The following MCFD2 variants were observed in gnomAD, a reference collection of about 807,000 sequenced individuals.
MCFD2 encodes multiple coagulation factor deficiency protein 2.
Under a neutral mutation model 12.8 loss-of-function variants are expected in MCFD2, and 11 were observed. The ratio of observed to expected loss-of-function variants is 0.86; its 90% CI spans 0.54 to 1.42. The LOEUF is 1.42. Among genes scored for constraint, MCFD2 ranks in the 40% most tolerant of loss-of-function variants. MCFD2 has a pLI of 0.00. For missense variants in MCFD2, 191 were observed against 178.6 expected (o/e 1.07, Z -0.40); for synonymous variants, 70 against 68.1 (o/e 1.03, Z -0.14).
At position 46,937,169 on chromosome 2, in the gene MCFD2, C is replaced by G. The variant is rs1670020993; in HGVS notation, c.-8+4403G>C. Among the ~76,000 whole-genome samples the G allele has an allele frequency of 6.6e-6, 1 of 151,982 alleles. No homozygotes were observed. The highest frequency in any genetic ancestry group is 1.5e-5 in the Non-Finnish European group (1 of 67,948). The stretch of plus-strand genomic sequence containing the variant: ...CCATGCCCAACCCCAAAAATTACTT[C>G]CTTAACAGATTTCTTGGCCAAAGCA... On this transcript the variant is annotated intron_variant, in intron 1 of 2. Coordinates refer to the MCFD2 transcript ENST00000409147. This position sits in a 1 kb window ranked among gnomAD's most constrained non-coding sequence, Gnocchi z 4.0.
intron 1 of MCFD2, among the ~76,000 whole-genome samples, chr2:46,930,644 C>T (rs939653805): frequency 2.6e-5 from 4 of 151,976 alleles, no homozygotes; most frequent in Admixed American, 6.6e-5. Context: ...GGATTACAGG[C>T]GCCTGCAACC....
rs1315724113 is a variant in MCFD2 at position 46,940,366 on chromosome 2, C to T, written c.-8+1206G>A. Among the ~76,000 whole-genome samples, 1 of 152,150 alleles carries T rather than the reference C, an allele frequency of 6.6e-6. No individual in the cohort carries two copies. The highest frequency in any genetic ancestry group is 6.5e-5 in the Admixed American group (1 of 15,278). On this transcript the variant is annotated intron_variant, in intron 1 of 2. Transcript: ENST00000409147. This position sits in a 1 kb window ranked among gnomAD's most constrained non-coding sequence, Gnocchi z 4.7. ...TTGGTTTCGGGTCTTGCTGTGGCTT[C>T]TCCAGCACTGGTCTGTGAGCTGCGG...
upstream of MCFD2, among the ~76,000 whole-genome samples, chr2:46,918,817 G>T (rs1471081069): frequency 6.6e-6 from 1 of 152,178 alleles, no homozygotes; most frequent in Non-Finnish European, 1.5e-5. Context: ...TTCAAGAGAA[G>T]GGCAACTCTA....
chr2:46,916,280 ACC>A (rs1668784704), upstream of MCFD2: 1 of 656,398 alleles, frequency 1.5e-6, no homozygotes, highest in South Asian at 6.8e-5. Context: ...CCGGCCTTGG[ACC>A]CTACGTTTCA....
chr2:46,930,786 CA>C (rs1669659400), intron 1 of MCFD2, among the ~76,000 whole-genome samples: 1 of 152,102 alleles, frequency 6.6e-6, no homozygotes, highest in Non-Finnish European at 1.5e-5. Context: ...AGGCGTGAGC[CA>C]CCGCACCCAG....
chr2:46,927,101 T>G (rs1489505035), intron 1 of MCFD2, among the ~76,000 whole-genome samples: 1 of 150,690 alleles, frequency 6.6e-6, no homozygotes, highest in East Asian at 2.0e-4. Context: ...AGGATAAGAG[T>G]CACAGAGAAT....
At chr2:46,915,898 G>A (rs963665619), upstream of MCFD2, 41 of 984,284 alleles carry the variant, frequency 4.2e-5, no homozygotes, top group African/African-American at 3.5e-5. Flanking sequence ...CGCTGGCGGC[G>A]GCGGGCTGTG....
chr2:46,935,757 G>C (rs746992501), intron 1 of MCFD2, among the ~76,000 whole-genome samples: 3 of 152,092 alleles, frequency 2.0e-5, no homozygotes, highest in African/African-American at 7.2e-5. Context: ...AACAATGAGA[G>C]ATGCAAGTCT....
In MCFD2 at chr2:46,941,108, C is replaced by T. The variant is rs1277482519; in HGVS notation, c.-8+464G>A. On this transcript the variant is annotated intron_variant, in intron 1 of 2. Transcript: ENST00000409147. The surrounding 1 kb of genome is among the most constrained non-coding windows in gnomAD (Gnocchi z 4.2). ...CCCTTCGCGCGCCTGGCTGCTGTGG[C>T]CGCGCTGGCAGCCAGCGAGCCCGGC... 1 of 148,506 alleles carries T rather than the reference C, an allele frequency of 6.7e-6. No individual in the cohort carries two copies. The highest frequency in any genetic ancestry group is 1.5e-5 in the Non-Finnish European group (1 of 66,322). 9.2% of individuals were successfully genotyped at this position (148,506 alleles called of 1,614,324 possible). A position where few individuals can be genotyped will look rare whatever the true frequency, so the allele number is the denominator to read the frequency against.
intron 1 of MCFD2, among the ~76,000 whole-genome samples, chr2:46,932,101 C>A (rs1460345078): frequency 1.3e-5 from 2 of 151,572 alleles, no homozygotes; most frequent in Admixed American, 1.3e-4. Flanking sequence ...ATAGAAAAAA[C>A]TTCCTAAATC....
At chr2:46,927,868 T>A (rs1255642891) in intron 1 of MCFD2, among the ~76,000 whole-genome samples, 6 of 150,214 alleles carry the variant, frequency 4.0e-5, no homozygotes, top group Non-Finnish European at 7.4e-5. Flanking sequence ...AACACTAATA[T>A]TGGGGTTTTT....
rs781112578 is a variant in MCFD2 at position 46,937,479 on chromosome 2, G to A, written c.-8+4093C>T. Among the ~76,000 whole-genome samples the A allele has an allele frequency of 3.3e-5, 5 of 152,152 alleles. No homozygotes were observed. The highest frequency in any genetic ancestry group is 6.5e-5 in the Admixed American group (1 of 15,272). Reference sequence around the variant, plus strand: ...CTCTTCAAGGCCTAAATGGGACTTCGAATTGTTTTAGGAACATATCATCCA... The same window carrying A: ...CTCTTCAAGGCCTAAATGGGACTTCAAATTGTTTTAGGAACATATCATCCA... On this transcript the variant is annotated intron_variant, in intron 1 of 2. Coordinates refer to the MCFD2 transcript ENST00000409147. This position sits in a 1 kb window ranked among gnomAD's most constrained non-coding sequence, Gnocchi z 4.0.
At chr2:46,923,727 A>C (rs1669232778) in intron 1 of MCFD2, among the ~76,000 whole-genome samples, 1 of 151,772 alleles carries the variant, frequency 6.6e-6, no homozygotes, top group African/African-American at 2.4e-5. Context: ...CCCTGTCTCT[A>C]TAGAAAAACT....
upstream of MCFD2, chr2:46,916,081 T>G (rs923985925): frequency 6.1e-5 from 60 of 985,328 alleles, no homozygotes; most frequent in Non-Finnish European, 7.0e-5. Flanking sequence ...CTCAGGAACG[T>G]AGTTCCACGG....
intron 1 of MCFD2, among the ~76,000 whole-genome samples, chr2:46,926,723 A>G (rs1476919840): frequency 6.6e-6 from 1 of 152,260 alleles, no homozygotes; most frequent in African/African-American, 2.4e-5. Flanking sequence ...GCAATGTCCT[A>G]CACAATTAAA....
chr2:46,905,636 C>T (rs1161433691), intron 3 of MCFD2, 42 bp from the exon 4 acceptor site: 1 of 1,588,482 alleles, frequency 6.3e-7, no homozygotes, highest in Non-Finnish European at 8.6e-7. Context: ...GCGCATTTTA[C>T]CGGAAGAAGT....
chr2:46,910,574 G>C (rs533264811), intron 1 of MCFD2, among the ~76,000 whole-genome samples: 1 of 152,258 alleles, frequency 6.6e-6, no homozygotes, highest in East Asian at 1.9e-4. Context: ...GAGAGGTAGA[G>C]GTGTTATAGT....
chr2:46,918,884 G>C (rs745461190), upstream of MCFD2, among the ~76,000 whole-genome samples: 1 of 152,236 alleles, frequency 6.6e-6, no homozygotes, highest in Non-Finnish European at 1.5e-5. Context: ...CTAGGTAAGA[G>C]AGGATCTCTT....
intron 1 of MCFD2, among the ~76,000 whole-genome samples, chr2:46,911,795 G>A (rs578116892): frequency 5.3e-4 from 81 of 152,130 alleles, no homozygotes; most frequent in Non-Finnish European, 9.6e-4. Context: ...GCGTGGTGGC[G>A]GGCACCTGTA....
Sources: allele counts gnomAD v4.1 joint callset (sites outside exome capture counted in the v4.1 genomes callset), GRCh38; gene constraint gnomAD v4.1.1; non-coding constraint Gnocchi (gnomAD v3.1); transcripts MANE v1.5; gene names NCBI Gene and HGNC (gene_info 2026-07-23, HGNC 2026-07-21).